Variants in AP1M1 observed in about 807,000 individuals in gnomAD.
AP1M1 encodes the protein adaptor related protein complex 1 subunit mu 1.
Under a neutral mutation model 57.1 loss-of-function variants are expected in AP1M1, and 18 were observed. The ratio of observed to expected loss-of-function variants is 0.32; its 90% CI spans 0.22 to 0.47. AP1M1 has a LOEUF of 0.47. AP1M1 is among the 20% of genes least tolerant of loss of function. The pLI, the probability that AP1M1 is intolerant of heterozygous loss-of-function variation, is 1.00. For synonymous variants in AP1M1, 241 were observed against 237.9 expected, an observed-to-expected ratio of 1.01 and a Z score of -0.12; for missense variants, 362 against 593.5, an observed-to-expected ratio of 0.61 and a Z score of 4.05.
rs117109371 is a variant in AP1M1, at chr19:16,208,567, C to T, written c.398+418C>T. On this transcript the variant is annotated intron_variant, in intron 4 of 11. Transcript: ENST00000291439. ...TCACATTCACTCGATTCACAGCCTC[C>T]CCGTATACCGTCTCCCCATTTTACA... 5.1e-4 allele frequency among the ~76,000 whole-genome samples: 78 copies of T among 152,240 alleles called. 1 individual carries two copies. The East Asian group carries it at 0.013, about 25-fold the overall frequency.
At chr19:16,212,011 G>C (rs976053898) in intron 5 of AP1M1, among the ~76,000 whole-genome samples, 4 of 152,106 alleles carry the variant, frequency 2.6e-5, no homozygotes, top group Non-Finnish European at 5.9e-5. Context: ...CTAGTATTTT[G>C]TTGAGGATTT....
intron 10 of AP1M1, 60 bp downstream of exon 10, chr19:16,233,678 A>G (rs1227793078): frequency 1.3e-6 from 2 of 1,548,486 alleles, no homozygotes; most frequent in East Asian, 2.3e-5. Flanking sequence ...GGTGACAGAT[A>G]TCAATGCAGC....
intron 9 of AP1M1, among the ~76,000 whole-genome samples, chr19:16,232,279 G>A (rs577953003): frequency 5.8e-4 from 89 of 152,276 alleles, no homozygotes; most frequent in African/African-American, 1.8e-3. Context: ...CCTTTGTGGC[G>A]TCGAGTGGGT....
chr19:16,210,653 A>G (rs1878607048), intron 5 of AP1M1, among the ~76,000 whole-genome samples: 1 of 152,126 alleles, frequency 6.6e-6, no homozygotes, highest in African/African-American at 2.4e-5. Context: ...TCTGCCTCCC[A>G]GGCTTAAGCG....
Position 16,203,921 on chromosome 19 carries a change from G to A in AP1M1, c.199+306G>A, listed in dbSNP as rs890740730. ...TTCTGCCAGCTGGAGGGGTGGGCAG[G>A]CACTAGGCGTGGGTGAAGGCTCTGC... On this transcript the variant is annotated intron_variant, in intron 2 of 11. Transcript: ENST00000291439. This position sits in a 1 kb window ranked among gnomAD's most constrained non-coding sequence, Gnocchi z 4.6. 1.3e-5 allele frequency among the ~76,000 whole-genome samples: 2 copies of A among 152,204 alleles called. No individual in the cohort carries two copies. Among genetic ancestry groups the A allele is most frequent in the Admixed American group, 1.3e-4 (2 of 15,280 alleles).
intron 9 of AP1M1, among the ~76,000 whole-genome samples, chr19:16,229,901 T>C (rs1043565049): frequency 1.3e-5 from 2 of 152,250 alleles, no homozygotes; most frequent in African/African-American, 4.8e-5. Context: ...CCTTCTGGTA[T>C]TGACTGTCTT....
Position 16,228,754 on chromosome 19 carries a change from T to C in AP1M1, c.889-16T>C, listed in dbSNP as rs1020716310. Reference sequence around the variant, plus strand: ...TTGGCCTCCATAACCCCGGGCCGCATTGGCCTGGCCTGCAGGCCAAAAGCC... The same window carrying C: ...TTGGCCTCCATAACCCCGGGCCGCACTGGCCTGGCCTGCAGGCCAAAAGCC... On this transcript the variant is annotated splice_polypyrimidine_tract_variant and intron_variant, in intron 8 of 11. Coordinates refer to ENST00000291439, the MANE Select transcript of AP1M1 (RefSeq NM_032493.4). This position sits in a 1 kb window ranked among gnomAD's most constrained non-coding sequence, Gnocchi z 5.0. 3 of 1,613,252 alleles carry C rather than the reference T, an allele frequency of 1.9e-6. No individual in the cohort carries two copies. Among genetic ancestry groups the C allele is most frequent in the South Asian group, 2.2e-5 (2 of 91,078 alleles).
At chr19:16,222,204 TATTATTA>T (rs1390704347) in intron 5 of AP1M1, among the ~76,000 whole-genome samples, 1,549 of 133,528 alleles carry the variant, frequency 0.012, 25 homozygotes, top group African/African-American at 0.024. Flanking sequence ...TTACTATTAT[TATTATTA>T]TTTTTTTTTT....
intron 5 of AP1M1, among the ~76,000 whole-genome samples, chr19:16,219,106 T>C (rs2091531376): frequency 6.6e-6 from 1 of 151,972 alleles, no homozygotes; most frequent in South Asian, 2.1e-4. Context: ...TGTATTTTCT[T>C]CAGTTCTTTT....
intron 5 of AP1M1, among the ~76,000 whole-genome samples, chr19:16,209,969 T>C (rs1363838517): frequency 6.6e-6 from 1 of 152,212 alleles, no homozygotes; most frequent in Non-Finnish European, 1.5e-5. Context: ...GTTGCCCCTT[T>C]GTAGCTCCAT....
In AP1M1 at chr19:16,203,066, C is replaced by T. The variant is rs983308779; in HGVS notation, c.43-393C>T. On this transcript the variant is annotated intron_variant, in intron 1 of 11. Coordinates refer to ENST00000291439, the MANE Select transcript of AP1M1 (RefSeq NM_032493.4). This position sits in a 1 kb window ranked among gnomAD's most constrained non-coding sequence, Gnocchi z 4.6. ...GACTTCAGTAAATACGAACCTTCAG[C>T]GGGAGTGGGCGCCCTGACACAGGCG... 1 of 231,594 alleles carries T rather than the reference C, an allele frequency of 4.3e-6. No homozygotes were observed. Among genetic ancestry groups the T allele is most frequent in the Non-Finnish European group, 8.7e-6 (1 of 115,272 alleles). 14.3% of individuals were successfully genotyped at this position (231,594 alleles called of 1,614,324 possible).
chr19:16,211,639 A>G (rs1327649535), intron 5 of AP1M1, among the ~76,000 whole-genome samples: 1 of 151,868 alleles, frequency 6.6e-6, no homozygotes, highest in Non-Finnish European at 1.5e-5. Context: ...AATCCCAGCT[A>G]CTCGGGTGGC....
rs1475882210 is a variant in AP1M1, at chr19:16,236,800, A to G, written c.*2365A>G. On this transcript the variant is annotated 3_prime_UTR_variant, in exon 12 of 12. Coordinates refer to ENST00000291439, the MANE Select transcript of AP1M1 (RefSeq NM_032493.4). ...GACCTAACTTCATGCCTTGTTACCT[A>G]AGATCCTCGCACACAATAGACCCTC... 2 of 152,212 alleles carry G rather than the reference A, an allele frequency of 1.3e-5. No individual in the cohort carries two copies. The highest frequency in any genetic ancestry group is 2.4e-5 in the African/African-American group (1 of 41,450). The allele number at this position is 152,212 out of a possible 1,614,324, so 9.4% of individuals were successfully genotyped here. A position where few individuals can be genotyped will look rare whatever the true frequency, so the allele number is the denominator to read the frequency against.
chr19:16,240,899 G>A lies in AP1M1; in HGVS notation c.*6464G>A, dbSNP rs1487474727. On this transcript the variant is annotated 3_prime_UTR_variant, in exon 12 of 12. Coordinates refer to ENST00000291439, the MANE Select transcript of AP1M1 (RefSeq NM_032493.4). ...AACAGCAACACTAAGAGATTAAAAT[G>A]TCTCTCCAAAGAGCAATTGGACAGA... The A allele has an allele frequency of 6.6e-6, 1 of 152,214 alleles. No homozygotes were observed. The highest frequency in any genetic ancestry group is 1.5e-5 in the Non-Finnish European group (1 of 68,042). The allele number at this position is 152,214 out of a possible 1,614,324, so 9.4% of individuals were successfully genotyped here.
In AP1M1 at chr19:16,228,157, C is replaced by T. The variant is rs556098749; in HGVS notation, c.837C>T (p.Ile279=). ...GGCAGGTCAAGCCTTTGATATGGAT[C>T]GAGTCGGTGATCGAGAAGCACTCCC... is the stretch of plus-strand genomic sequence containing the variant. ...LNTHVKPLIW[I]ESVIEKHSHS... Residue 279 remains isoleucine (I), a synonymous_variant, in exon 8 of 12, where the codon ATC becomes ATT. Coordinates refer to ENST00000291439, the MANE Select transcript of AP1M1 (RefSeq NM_032493.4). The surrounding 1 kb of genome is among the most constrained non-coding windows in gnomAD (Gnocchi z 5.0). 60 of 1,613,878 alleles carry T rather than the reference C, an allele frequency of 3.7e-5. No individual in the cohort carries two copies. Among genetic ancestry groups the T allele is most frequent in the Admixed American group, 1.5e-4 (9 of 60,034 alleles).
chr19:16,198,391 A>G (rs1436912997), intron 1 of AP1M1: 1 of 184,974 alleles, frequency 5.4e-6, no homozygotes, highest in Non-Finnish European at 1.1e-5. Flanking sequence ...GCGGGGCCGC[A>G]GCCGGCCTCG....
rs143232948 is a variant in AP1M1, at chr19:16,219,781, T to C, written c.547-6640T>C. ...CCTTGGAGATGCTGAATAAACTGCA[T>C]TGTGCACCTGCATTTTGACTGCAAC... On this transcript the variant is annotated intron_variant, in intron 5 of 11. Transcript: ENST00000291439. Among the ~76,000 whole-genome samples the C allele has an allele frequency of 6.6e-5, 10 of 152,332 alleles. 1 individual carries two copies. The highest frequency in any genetic ancestry group is 2.4e-4 in the African/African-American group (10 of 41,574).
At position 16,219,596 on chromosome 19, in the gene AP1M1, C is replaced by T. The variant is rs150241224; in HGVS notation, c.547-6825C>T. On this transcript the variant is annotated intron_variant, in intron 5 of 11. Transcript: ENST00000291439. ...TATTTTTAGTAGAAACGGGGTTTCA[C>T]CATGTTGGCCAGGCTGGTCTCGAAC... Among the ~76,000 whole-genome samples, 296 of 152,188 alleles carry T rather than the reference C, an allele frequency of 1.9e-3. 1 individual carries two copies. Among genetic ancestry groups the T allele is most frequent in the African/African-American group, 6.9e-3 (287 of 41,514 alleles).
intron 5 of AP1M1, among the ~76,000 whole-genome samples, chr19:16,224,743 G>A (rs573544063): frequency 6.6e-6 from 1 of 152,184 alleles, no homozygotes; most frequent in African/African-American, 2.4e-5. Context: ...ACTCCCTGAG[G>A]GGGAGGCAGC....
Sources: gnomAD v4.1 joint callset for allele counts (sites outside exome capture counted in the v4.1 genomes callset) on GRCh38, gnomAD v4.1.1 for gene constraint, Gnocchi (gnomAD v3.1) non-coding constraint, MANE v1.5 for transcripts, NCBI Gene and HGNC (gene_info 2026-07-23, HGNC 2026-07-21) for gene names.